Variants in LMBRD1 observed in about 807,000 individuals in gnomAD.
LMBRD1 encodes the protein LMBR1 domain containing 1.
A neutral mutation model predicts 74.8 loss-of-function variants in LMBRD1; 64 were observed. That is an observed-to-expected ratio of 0.86 (90% CI 0.70 to 1.05). The LOEUF (loss-of-function observed/expected upper bound fraction) is 1.05. Among genes scored for constraint, LMBRD1 ranks in the 50% least tolerant of loss-of-function variants. The probability of loss-of-function intolerance (pLI) is 0.00; values close to 1 mark genes in which losing one functional copy is unlikely to be tolerated. For missense variants in LMBRD1, 652 were observed against 645.9 expected (o/e 1.01, Z -0.10); for synonymous variants, 204 against 216.3 (o/e 0.94, Z 0.50).
At chr6:69,743,042 A>G (rs1767138433) in intron 5 of LMBRD1, among the ~76,000 whole-genome samples, 1 of 152,172 alleles carries the variant, frequency 6.6e-6, no homozygotes, top group South Asian at 2.1e-4. Flanking sequence ...TATGAAATCA[A>G]ACAAATGAAA....
chr6:69,739,149 C>A (rs1340160725), intron 6 of LMBRD1, among the ~76,000 whole-genome samples: 1 of 152,008 alleles, frequency 6.6e-6, no homozygotes, highest in Middle Eastern at 3.2e-3. Context: ...AAGGTACTAT[C>A]ACTTGTAAAA....
intron 9 of LMBRD1, among the ~76,000 whole-genome samples, chr6:69,709,102 C>T (rs1337790572): frequency 1.3e-5 from 2 of 152,042 alleles, no homozygotes; most frequent in Admixed American, 1.3e-4. Context: ...GGCGTGGTGG[C>T]ACATGTCTGT....
At position 69,675,449 on chromosome 6, in the gene LMBRD1, G is replaced by C. The variant is rs1765525696; in HGVS notation, c.*709C>G. Reference sequence around the variant, plus strand: ...TCCATAAACTGATTTTTTTTTCCAGGATTAATTATTCTTGACAATACCCCT... The same window carrying C: ...TCCATAAACTGATTTTTTTTTCCAGCATTAATTATTCTTGACAATACCCCT... On this transcript the variant is annotated 3_prime_UTR_variant, in exon 16 of 16. Coordinates refer to ENST00000649934, the MANE Select transcript of LMBRD1 (RefSeq NM_018368.4). 6.6e-6 allele frequency among the ~76,000 whole-genome samples: 1 copy of C among 151,594 alleles called. No individual in the cohort carries two copies. The highest frequency in any genetic ancestry group is 2.4e-5 in the African/African-American group (1 of 41,250).
chr6:69,718,653 G>A (rs987048980), intron 8 of LMBRD1, among the ~76,000 whole-genome samples: 1 of 152,108 alleles, frequency 6.6e-6, no homozygotes, highest in African/African-American at 2.4e-5. Flanking sequence ...AAGGGGGAAA[G>A]CCTCCTTATA....
At chr6:69,685,702 G>C (rs1582044399) in intron 14 of LMBRD1, among the ~76,000 whole-genome samples, 1 of 152,182 alleles carries the variant, frequency 6.6e-6, no homozygotes, top group Non-Finnish European at 1.5e-5. Context: ...TCAGGAGGCT[G>C]AGGCAGGAGA....
At chr6:69,752,923 ACTCT>A (rs1278534716) in intron 3 of LMBRD1, among the ~76,000 whole-genome samples, 3 of 152,150 alleles carry the variant, frequency 2.0e-5, no homozygotes, top group East Asian at 3.9e-4. Context: ...GTAAAATTAG[ACTCT>A]CTATTTACCC....
chr6:69,751,173 C>A (rs968246826), intron 4 of LMBRD1, among the ~76,000 whole-genome samples: 3 of 152,088 alleles, frequency 2.0e-5, no homozygotes, highest in Non-Finnish European at 4.4e-5. Flanking sequence ...GAGAGACAGG[C>A]CCAACTCGGT....
chr6:69,707,975 AT>A (rs1381484123), intron 9 of LMBRD1, among the ~76,000 whole-genome samples: 1 of 152,172 alleles, frequency 6.6e-6, no homozygotes, highest in African/African-American at 2.4e-5. Flanking sequence ...AGGCATATAT[AT>A]TTTACCACAA....
intron 9 of LMBRD1, among the ~76,000 whole-genome samples, chr6:69,707,081 A>T (rs1766275649): frequency 6.6e-6 from 1 of 152,094 alleles, no homozygotes; most frequent in Non-Finnish European, 1.5e-5. Flanking sequence ...AAGGTTGTAG[A>T]GTTGGAGTTT....
At chr6:69,734,150 G>T (rs1766923164) in intron 7 of LMBRD1, among the ~76,000 whole-genome samples, 1 of 152,158 alleles carries the variant, frequency 6.6e-6, no homozygotes, top group Admixed American at 6.5e-5. Flanking sequence ...CTGCTAGGAA[G>T]TTGGATCTTA....
chr6:69,756,022 A>T (rs1765259622), intron 3 of LMBRD1, among the ~76,000 whole-genome samples: 1 of 152,170 alleles, frequency 6.6e-6, no homozygotes, highest in Non-Finnish European at 1.5e-5. Context: ...TAAAAAGACA[A>T]CTTTTTTAAA....
rs1767109057 is a variant in LMBRD1, at chr6:69,741,802, T to A, written c.549A>T (p.Glu183Asp). ...EWEKVKSLFEELGSSHGLAAL... is the reference protein window; with the variant it reads ...EWEKVKSLFEDLGSSHGLAAL... ...AACAATACTTACGACTACTTCCAAG[T>A]TCTTCAAATAGGGACTTCACTTTTT... is the stretch of plus-strand genomic sequence containing the variant. Residue 183 changes from glutamate to aspartate, a missense_variant, in exon 6 of 16, where the codon GAA becomes GAT. Glu to Asp is a conservative substitution (Grantham distance 45). Coordinates refer to ENST00000649934, the MANE Select transcript of LMBRD1 (RefSeq NM_018368.4). The A allele has an allele frequency of 6.3e-7, 1 of 1,589,536 alleles. No homozygotes were observed. The highest frequency in any genetic ancestry group is 8.6e-7 in the Non-Finnish European group (1 of 1,157,850).
intron 15 of LMBRD1, 48 bp downstream of exon 15, chr6:69,676,402 A>G (rs369544445): frequency 1.3e-6 from 2 of 1,586,674 alleles, no homozygotes; most frequent in Non-Finnish European, 8.6e-7. Flanking sequence ...ACATTTAACT[A>G]TAATTTATAA....
intron 2 of LMBRD1, among the ~76,000 whole-genome samples, chr6:69,782,674 C>CT (rs1306097211): frequency 8.1e-6 from 1 of 123,258 alleles, no homozygotes; most frequent in African/African-American, 3.3e-5. Flanking sequence ...GAGCAAGACT[C>CT]TGTCTCAAGA....
chr6:69,694,254 CTAA>C (rs1765948727), intron 14 of LMBRD1, among the ~76,000 whole-genome samples: 1 of 152,118 alleles, frequency 6.6e-6, no homozygotes, highest in Non-Finnish European at 1.5e-5. Flanking sequence ...TGTTTTACAG[CTAA>C]TGTTTCAATA....
intron 7 of LMBRD1, among the ~76,000 whole-genome samples, chr6:69,731,808 C>G (rs990085066): frequency 4.6e-5 from 7 of 151,958 alleles, no homozygotes; most frequent in African/African-American, 1.7e-4. Context: ...CACTGTAAGT[C>G]AAAAACCATC....
intron 1 of LMBRD1, 150 bp from the exon 2 acceptor site, chr6:69,790,622 T>C (rs1297225161): frequency 5.5e-6 from 4 of 725,810 alleles, no homozygotes; most frequent in African/African-American, 1.8e-5. Context: ...TAAAAACTTG[T>C]CCAAGATGTA....
At chr6:69,691,817 A>C (rs1765886386) in intron 14 of LMBRD1, among the ~76,000 whole-genome samples, 1 of 146,020 alleles carries the variant, frequency 6.8e-6, no homozygotes, top group Non-Finnish European at 1.5e-5. Flanking sequence ...CGAAGGTTGC[A>C]GTGAGCCAAG....
intron 2 of LMBRD1, among the ~76,000 whole-genome samples, chr6:69,784,179 T>G (rs983771791): frequency 1.3e-5 from 2 of 152,202 alleles, no homozygotes; most frequent in African/African-American, 4.8e-5. Context: ...CTATTGCCTC[T>G]CGAAGTAGAA....
Sources: allele counts gnomAD v4.1 joint callset (sites outside exome capture counted in the v4.1 genomes callset), GRCh38; gene constraint gnomAD v4.1.1; transcripts MANE v1.5; gene names NCBI Gene and HGNC (gene_info 2026-07-23, HGNC 2026-07-21).